PRMT7: variants seen among roughly 807,000 people sequenced by gnomAD.
PRMT7 encodes the protein protein arginine methyltransferase 7, also known as protein arginine N-methyltransferase 7.
A neutral mutation model predicts 85.4 loss-of-function variants in PRMT7; 75 were observed. The observed-to-expected ratio is 0.88, with a 90% CI of 0.73 to 1.06. The LOEUF (loss-of-function observed/expected upper bound fraction) is 1.06, where lower values mean the gene tolerates loss of function less well. Ranked by LOEUF, PRMT7 falls within the 50% of genes least tolerant of loss-of-function variation. The pLI is 0.00. For missense variants in PRMT7, 868 were observed against 915.2 expected, an observed-to-expected ratio of 0.95 and a Z score of 0.67; for synonymous variants, 397 against 359.5, an observed-to-expected ratio of 1.10 and a Z score of -1.18.
chr16:68,353,540 G>A lies in PRMT7; in HGVS notation c.1624G>A (p.Val542Met), dbSNP rs374121002. 1.7e-5 allele frequency: 27 copies of A among 1,599,072 alleles called. No individual in the cohort carries two copies. The highest frequency in any genetic ancestry group is 4.1e-5 in the African/African-American group (3 of 74,074). ...CTGTGGTGACTGCGAAGGCTTCGAC[G>A]TGCACATCATGGACGACATGATTAA... ...SPCGDCEGFD[V>M]HIMDDMIKRA... Residue 542 changes from valine to methionine, a missense_variant, in exon 16 of 19, where the codon GTG becomes ATG. By Grantham distance (21) the Val-to-Met change is conservative. Coordinates refer to ENST00000441236, the MANE Select transcript of PRMT7 (RefSeq NM_019023.5).
chr16:68,339,393 G>A lies in PRMT7; in HGVS notation c.576G>A (p.Ser192=), dbSNP rs201452511. The change falls in exon 8 of 19, where the codon TCG becomes TCA. Residue 192 remains serine, a synonymous_variant. Coordinates refer to ENST00000441236, the MANE Select transcript of PRMT7 (RefSeq NM_019023.5). ...AQLVESGRMW[S]WNKLFPIHVQ... is the part of the protein sequence containing the mutation. ...TGGTGGAGTCCGGGAGGATGTGGTCGTGGAACAAGCTATTTCCCATCCACG... is the reference window on the plus strand; with the variant it reads ...TGGTGGAGTCCGGGAGGATGTGGTCATGGAACAAGCTATTTCCCATCCACG... The A allele has an allele frequency of 9.9e-6, 16 of 1,614,084 alleles. No individual in the cohort carries two copies. The highest frequency in any genetic ancestry group is 6.7e-5 in the Admixed American group (4 of 60,004).
chr16:68,324,241 G>A (rs995892293), intron 4 of PRMT7: 1 of 173,544 alleles, frequency 5.8e-6, no homozygotes, highest in Admixed American at 5.7e-5. Context: ...CAGCTCTGAG[G>A]GGCCCAAGGA....
chr16:68,357,094 A>G lies in PRMT7; in HGVS notation c.1949A>G (p.Tyr650Cys), dbSNP rs1033540334. 8 of 1,613,214 alleles carry G rather than the reference A, an allele frequency of 5.0e-6. No individual in the cohort carries two copies. Among genetic ancestry groups the G allele is most frequent in the Non-Finnish European group, 6.8e-6 (8 of 1,179,674 alleles). The change falls in exon 19 of 19, where the codon TAC (tyrosine) becomes TGC (cysteine). Residue 650 changes from tyrosine to cysteine, a missense_variant. Transcript: ENST00000441236. ...AACCCCCACTGCAAGCAGGCCGTCT[A>G]CTTCTTCAGCCCTGCCCCAGATCCC... ...CWNPHCKQAVYFFSPAPDPRA... is the reference protein window; with the variant it reads ...CWNPHCKQAVCFFSPAPDPRA...
chr16:68,315,139 C>T (rs1351801658), intron 2 of PRMT7: 1 of 151,476 alleles, frequency 6.6e-6, no homozygotes, highest in Admixed American at 6.6e-5. Context: ...AAAAAGAATG[C>T]TAATATCGTG....
chr16:68,352,202 C>G lies in PRMT7; in HGVS notation c.1414-46C>G, dbSNP rs369474599. ...CCGTGTTCCTGTTAACACTCCTGGACCGAGCCCTACTGACACCTGGGCCCT... is the reference window on the plus strand; with the variant it reads ...CCGTGTTCCTGTTAACACTCCTGGAGCGAGCCCTACTGACACCTGGGCCCT... On this transcript the variant is annotated intron_variant, in intron 14 of 18. Coordinates refer to ENST00000441236, the MANE Select transcript of PRMT7 (RefSeq NM_019023.5). 2.6e-5 allele frequency: 41 copies of G among 1,595,684 alleles called. No homozygotes were observed. In the African/African-American group the frequency reaches 4.8e-4, roughly 19 times the overall value.
At position 68,357,010 on chromosome 16, in the gene PRMT7, G is replaced by A. The variant is rs1246461558; in HGVS notation, c.1909-44G>A. ...GGAGGCTGGCTAGGAAGGAGGCTCAGGTGCCAGGGAGCCCTCACCATCTTC... is the reference window on the plus strand; with the variant it reads ...GGAGGCTGGCTAGGAAGGAGGCTCAAGTGCCAGGGAGCCCTCACCATCTTC... On this transcript the variant is annotated intron_variant, in intron 18 of 18. Transcript: ENST00000441236. The A allele has an allele frequency of 3.2e-6, 5 of 1,557,448 alleles. No homozygotes were observed. In the Admixed American group the frequency reaches 5.4e-5, roughly 17 times the overall value.
At chr16:68,323,005 G>T (rs1035413692) in intron 4 of PRMT7, among the ~76,000 whole-genome samples, 16 of 152,112 alleles carry the variant, frequency 1.1e-4, no homozygotes, top group Admixed American at 1.0e-3. Flanking sequence ...CTGCACTCCA[G>T]CCTGGGCGAC....
chr16:68,317,237 C>CAAAAAA (rs35849810), intron 3 of PRMT7, among the ~76,000 whole-genome samples: 1 of 104,160 alleles, frequency 9.6e-6, no homozygotes, highest in African/African-American at 3.8e-5. Context: ...GACTCTGTCT[C>CAAAAAA]AAAAAAAAAA....
intron 5 of PRMT7, among the ~76,000 whole-genome samples, chr16:68,327,064 A>G (rs1420411467): frequency 6.6e-6 from 1 of 152,184 alleles, no homozygotes; most frequent in African/African-American, 2.4e-5. Context: ...CTAGGAGAAC[A>G]TGTGTGTGTA....
Position 68,348,349 on chromosome 16 carries a change from A to G in PRMT7, c.1331A>G (p.Lys444Arg). ...ASHKLLRKIF[K>R]ANHLEDKINI... ...TACGGTTTTCTTTCTAAGATCTTCA[A>G]GGCTAACCACTTGGAAGATAAAATT... The change falls in exon 14 of 19, where the codon AAG becomes AGG. Residue 444 changes from lysine to arginine, a missense_variant. Physicochemically the swap from Lys to Arg is conservative, Grantham distance 26. Transcript: ENST00000441236. 1.9e-6 allele frequency: 3 copies of G among 1,603,094 alleles called. No individual in the cohort carries two copies.
chr16:68,313,337 CGAT>C (rs1390823369), intron 2 of PRMT7, among the ~76,000 whole-genome samples: 4 of 152,126 alleles, frequency 2.6e-5, no homozygotes, highest in African/African-American at 4.8e-5. Flanking sequence ...AACTACAAAA[CGAT>C]GACTCTTAAC....
chr16:68,314,873 T>C (rs1294962519), intron 2 of PRMT7, among the ~76,000 whole-genome samples: 2 of 152,316 alleles, frequency 1.3e-5, no homozygotes, highest in East Asian at 3.9e-4. Flanking sequence ...GACATTTTAC[T>C]TGTTTGAAGC....
At chr16:68,328,377 G>A (rs1203210742) in intron 5 of PRMT7, 1 of 153,300 alleles carries the variant, frequency 6.5e-6, no homozygotes. Context: ...CAAGGCTTCT[G>A]TTTGTATGTC....
intron 4 of PRMT7, chr16:68,322,251 T>C (rs1395994127): frequency 3.7e-6 from 1 of 269,920 alleles, no homozygotes; most frequent in Non-Finnish European, 7.7e-6. Context: ...TGTTGCCCAG[T>C]GCAGTGGTGT....
At chr16:68,345,642 C>G in intron 9 of PRMT7, 33 bp from the exon 10 acceptor site, 1 of 1,611,892 alleles carries the variant, frequency 6.2e-7, no homozygotes, top group Non-Finnish European at 8.5e-7. Context: ...CATACTGCAG[C>G]TCGTTGACAG....
At chr16:68,340,430 A>G (rs2085331810) in intron 9 of PRMT7, among the ~76,000 whole-genome samples, 1 of 152,116 alleles carries the variant, frequency 6.6e-6, no homozygotes, top group Non-Finnish European at 1.5e-5. Flanking sequence ...TAATAAGAGA[A>G]ATGCAGTTTT....
At position 68,352,238 on chromosome 16, in the gene PRMT7, C is replaced by A; in HGVS notation, c.1414-10C>A. 1.2e-6 allele frequency: 2 copies of A among 1,612,364 alleles called. No individual in the cohort carries two copies. Among genetic ancestry groups the A allele is most frequent in the Non-Finnish European group, 8.5e-7 (1 of 1,179,602 alleles). On this transcript the variant is annotated splice_polypyrimidine_tract_variant and intron_variant, in intron 14 of 18. Transcript: ENST00000441236. ...TGACACCTGGGCCCTGCTTCTCGCCCATTCACCAGGTCTCTCTCCTCCTGG... is the reference window on the plus strand; with the variant it reads ...TGACACCTGGGCCCTGCTTCTCGCCAATTCACCAGGTCTCTCTCCTCCTGG...
At chr16:68,322,831 G>T (rs7186390) in intron 4 of PRMT7, among the ~76,000 whole-genome samples, 1 of 151,906 alleles carries the variant, frequency 6.6e-6, no homozygotes, top group African/African-American at 2.4e-5. Flanking sequence ...AGGAGATCGA[G>T]ACCATCCTGG....
chr16:68,356,692 C>T lies in PRMT7; in HGVS notation c.1812-9C>T. 3 of 1,609,748 alleles carry T rather than the reference C, an allele frequency of 1.9e-6. No individual in the cohort carries two copies. The highest frequency in any genetic ancestry group is 2.5e-6 in the Non-Finnish European group (3 of 1,178,300). ...GACTACTTCTGCTGGGCCCCCCTCT[C>T]CTTGACAGGCCCGGGCAGAGCCACG... On this transcript the variant is annotated splice_polypyrimidine_tract_variant and intron_variant, in intron 17 of 18. Transcript: ENST00000441236.
Sources: allele counts gnomAD v4.1 joint callset (sites outside exome capture counted in the v4.1 genomes callset), GRCh38; gene constraint gnomAD v4.1.1; transcripts MANE v1.5; gene names NCBI Gene and HGNC (gene_info 2026-07-23, HGNC 2026-07-21).